Variants in PRDX6 observed in about 807,000 individuals in gnomAD.
PRDX6 encodes peroxiredoxin 6.
In PRDX6, 13 loss-of-function variants were observed where a neutral mutation model predicts 20.0. The observed-to-expected ratio is 0.65, with a 90% CI of 0.42 to 1.03. The LOEUF (loss-of-function observed/expected upper bound fraction) is 1.03. Ranked by LOEUF, PRDX6 falls within the 50% of genes least tolerant of loss-of-function variation. PRDX6 has a pLI of 0.00. For missense variants in PRDX6, 203 were observed against 276.9 expected (o/e 0.73, Z 1.89); for synonymous variants, 85 against 100.8 (o/e 0.84, Z 0.94).
intron 4 of PRDX6, among the ~76,000 whole-genome samples, chr1:173,487,026 T>C (rs551378349): frequency 6.6e-6 from 1 of 152,232 alleles, no homozygotes; most frequent in African/African-American, 2.4e-5. Flanking sequence ...TATGTACTTA[T>C]TGAGCCCAGA....
chr1:173,477,530 T>G (rs1006594340), intron 1 of PRDX6, 38 bp downstream of exon 1: 3 of 1,521,892 alleles, frequency 2.0e-6, no homozygotes, highest in Non-Finnish European at 2.7e-6. Context: ...TGGCCTCGGT[T>G]GCGCCGGACT....
Position 173,480,150 on chromosome 1 carries a change from T to TA in PRDX6, c.96-1167dup, listed in dbSNP as rs999758761. Among the ~76,000 whole-genome samples the TA allele has an allele frequency of 3.3e-5, 5 of 151,670 alleles. No homozygotes were observed. In the East Asian group the frequency reaches 5.8e-4, roughly 18 times the overall value. On this transcript the variant is annotated intron_variant, in intron 1 of 4. Transcript: ENST00000340385. ...AACATAGTGCACACCTCCACAATCT[T>TA]AAAAAAAAATACTAACTTTCCTCCC...
In PRDX6 at chr1:173,486,240, C is replaced by A; in HGVS notation, c.400-15C>A. ...CAAAGAACTCTTCCTATTTATGCCC[C>A]TCTGTGCTTTACAGGTGTTTGTTTT... is the stretch of plus-strand genomic sequence containing the variant. On this transcript the variant is annotated splice_polypyrimidine_tract_variant and intron_variant, in intron 3 of 4. Transcript: ENST00000340385. 1 of 1,586,034 alleles carries A rather than the reference C, an allele frequency of 6.3e-7. No individual in the cohort carries two copies. Among genetic ancestry groups the A allele is most frequent in the Non-Finnish European group, 8.6e-7 (1 of 1,168,652 alleles).
Position 173,486,255 on chromosome 1 carries a change from G to GT in PRDX6, c.401dup (p.Phe135ValfsTer6), listed in dbSNP as rs766900093. ...ATTTATGCCCCTCTGTGCTTTACAG[G>GT]TGTTTGTTTTTGGTCCTGATAAGAA... On this transcript the variant is annotated frameshift_variant and splice_region_variant, in exon 4 of 5. Transcript: ENST00000340385. LOFTEE classifies it high-confidence loss of function. 6.9e-6 allele frequency: 11 copies of GT among 1,601,624 alleles called. No individual in the cohort carries two copies. The highest frequency in any genetic ancestry group is 9.4e-6 in the Non-Finnish European group (11 of 1,175,524).
intron 1 of PRDX6, among the ~76,000 whole-genome samples, chr1:173,479,902 A>T (rs35838749): frequency 6.6e-6 from 1 of 152,206 alleles, no homozygotes; most frequent in African/African-American, 2.4e-5. Flanking sequence ...TCACAGTGGA[A>T]AAAGAACTCC....
In PRDX6 at chr1:173,481,477, A is replaced by C. The variant is rs780743420; in HGVS notation, c.247A>C (p.Ser83Arg). Residue 83 changes from serine to arginine, a missense_variant, in exon 2 of 5, where the codon AGC (serine) becomes CGC (arginine). Coordinates refer to ENST00000340385, the MANE Select transcript of PRDX6 (RefSeq NM_004905.3). ...IDSVEDHLAW[S>R]KDINAYNCEE... ...CAGTGTTGAGGACCATCTTGCCTGG[A>C]GCAAGGTTAGTATCAATTGGCATGT... 1.2e-6 allele frequency: 2 copies of C among 1,613,910 alleles called. No homozygotes were observed. The highest frequency in any genetic ancestry group is 1.7e-6 in the Non-Finnish European group (2 of 1,179,800).
intron 1 of PRDX6, 116 bp downstream of exon 1, chr1:173,477,608 G>C (rs993824215): frequency 3.5e-6 from 3 of 848,428 alleles, no homozygotes; most frequent in Non-Finnish European, 5.5e-6. Context: ...CGCCGCCCTC[G>C]CCTTCCCCCG....
intron 4 of PRDX6, among the ~76,000 whole-genome samples, chr1:173,487,297 G>A (rs1028493873): frequency 1.3e-5 from 2 of 152,266 alleles, no homozygotes; most frequent in South Asian, 2.1e-4. Context: ...TGTGAGGGAC[G>A]AGCACTATAG....
chr1:173,481,454 G>C lies in PRDX6; in HGVS notation c.224G>C (p.Ser75Thr). 1.9e-6 allele frequency: 3 copies of C among 1,614,170 alleles called. No homozygotes were observed. Among genetic ancestry groups the C allele is most frequent in the Non-Finnish European group, 2.5e-6 (3 of 1,180,022 alleles). The change falls in exon 2 of 5, where the codon AGT (serine) becomes ACT (threonine). Residue 75 changes from serine (S) to threonine (T), a missense_variant. Ser to Thr is a moderately conservative substitution (Grantham distance 58, BLOSUM62 1). Coordinates refer to ENST00000340385, the MANE Select transcript of PRDX6 (RefSeq NM_004905.3). ...NVKLIALSIDSVEDHLAWSKD... is the reference protein window; with the variant it reads ...NVKLIALSIDTVEDHLAWSKD... ...AAGTTGATTGCCCTTTCAATAGACA[G>C]TGTTGAGGACCATCTTGCCTGGAGC...
At chr1:173,485,072 TTGC>T (rs1658874401) in intron 2 of PRDX6, among the ~76,000 whole-genome samples, 1 of 152,130 alleles carries the variant, frequency 6.6e-6, no homozygotes, top group African/African-American at 2.4e-5. Context: ...TTTAAAGGGG[TTGC>T]TGCTATTTTC....
At chr1:173,477,611 T>A in intron 1 of PRDX6, 119 bp downstream of exon 1, 1 of 837,628 alleles carries the variant, frequency 1.2e-6, no homozygotes, top group Non-Finnish European at 1.8e-6. Context: ...CGCCCTCGCC[T>A]TCCCCCGCAC....
chr1:173,478,139 C>T (rs753766322), intron 1 of PRDX6, among the ~76,000 whole-genome samples: 3 of 152,176 alleles, frequency 2.0e-5, no homozygotes, highest in African/African-American at 4.8e-5. Flanking sequence ...AGTAGGTGGC[C>T]GAAAGACTTT....
Position 173,485,397 on chromosome 1 carries a change from A to C in PRDX6, c.289A>C (p.Lys97Gln). The C allele has an allele frequency of 6.2e-7, 1 of 1,608,012 alleles. No individual in the cohort carries two copies. Among genetic ancestry groups the C allele is most frequent in the Non-Finnish European group, 8.5e-7 (1 of 1,177,098 alleles). Residue 97 changes from lysine to glutamine, a missense_variant, in exon 3 of 5, where the codon AAG becomes CAG. Coordinates refer to ENST00000340385, the MANE Select transcript of PRDX6 (RefSeq NM_004905.3). ...TTACAATTGTGAAGAGCCCACAGAA[A>C]AGTTACCTTTTCCCATCATCGATGA... The part of the protein sequence containing the change: ...NAYNCEEPTE[K>Q]LPFPIIDDRN...
At chr1:173,484,150 A>ATATT (rs1310303469) in intron 2 of PRDX6, among the ~76,000 whole-genome samples, 3,472 of 109,478 alleles carry the variant, frequency 0.032, 195 homozygotes, top group African/African-American at 0.12. Flanking sequence ...AGATATATAT[A>ATATT]TTTATATATA....
chr1:173,483,822 G>T (rs1054598594), intron 2 of PRDX6, among the ~76,000 whole-genome samples: 2 of 151,906 alleles, frequency 1.3e-5, no homozygotes, highest in African/African-American at 4.8e-5. Flanking sequence ...ATCGTTCCTG[G>T]CCGGGCACAG....
rs11543999 is a variant in PRDX6, at chr1:173,477,382, C to T, written c.-16C>T. On this transcript the variant is annotated 5_prime_UTR_variant, in exon 1 of 5. Transcript: ENST00000340385. Reference sequence around the variant, plus strand: ...GTTGCTTGCTGTCCCAGCGGCGCCCCCTCATCACCGTCGCCATGCCCGGAG... The same window carrying T: ...GTTGCTTGCTGTCCCAGCGGCGCCCTCTCATCACCGTCGCCATGCCCGGAG... 460 of 1,600,348 alleles carry T rather than the reference C, an allele frequency of 2.9e-4. 1 individual carries two copies. The highest frequency in any genetic ancestry group is 3.6e-4 in the Non-Finnish European group (425 of 1,172,486).
intron 3 of PRDX6, among the ~76,000 whole-genome samples, chr1:173,485,964 T>G (rs1004066592): frequency 2.6e-5 from 4 of 152,228 alleles, no homozygotes; most frequent in Admixed American, 2.6e-4. Context: ...ATTTTTATGA[T>G]AGTCATCCCC....
At chr1:173,481,234 C>T in intron 1 of PRDX6, 92 bp from the exon 2 acceptor site, 1 of 1,255,952 alleles carries the variant, frequency 8.0e-7, no homozygotes, top group Non-Finnish European at 1.1e-6. Flanking sequence ...AAAAGAAAGC[C>T]TGTTTTTGAT....
intron 1 of PRDX6, 122 bp from the exon 2 acceptor site, chr1:173,481,204 C>T: frequency 1.0e-6 from 1 of 970,698 alleles, no homozygotes; most frequent in South Asian, 1.7e-5. Flanking sequence ...AAGTAAATAT[C>T]ATCATAAGCA....
Sources: allele counts gnomAD v4.1 joint callset (sites outside exome capture counted in the v4.1 genomes callset), GRCh38; gene constraint gnomAD v4.1.1; transcripts MANE v1.5; gene names NCBI Gene and HGNC (gene_info 2026-07-23, HGNC 2026-07-21).